SNX1: variants seen among roughly 807,000 people sequenced by gnomAD.
The protein encoded by SNX1 is sorting nexin 1, also known as sorting nexin-1.
SNX1 carries 36 observed loss-of-function variants against 71.8 expected under a neutral mutation model. The ratio of observed to expected loss-of-function variants is 0.50; its 90% CI spans 0.38 to 0.66. SNX1 has a LOEUF of 0.66. Ranked by LOEUF, SNX1 falls within the 30% of genes least tolerant of loss-of-function variation. The pLI is 0.00. For synonymous variants in SNX1, 254 were observed against 240.7 expected (o/e 1.06, Z -0.51); for missense variants, 612 against 646.7 (o/e 0.95, Z 0.58).
chr15:64,137,888 A>C lies in SNX1; in HGVS notation c.*270A>C, dbSNP rs1941782323. On this transcript the variant is annotated 3_prime_UTR_variant, in exon 15 of 15. Coordinates refer to ENST00000559844, the MANE Select transcript of SNX1 (RefSeq NM_003099.5). ...ATGGGATGGGGTGGAGTATTGATAT[A>C]AATATATAAATACAAATGTATATTT... 1 of 1,404,886 alleles carries C rather than the reference A, an allele frequency of 7.1e-7. No individual in the cohort carries two copies. Among genetic ancestry groups the C allele is most frequent in the South Asian group, 1.7e-5 (1 of 58,374 alleles). The allele number at this position is 1,404,886 out of a possible 1,614,324, so 87.0% of individuals were successfully genotyped here.
At chr15:64,118,289 A>G (rs762312682) in intron 3 of SNX1, 45 bp downstream of exon 3, 3 of 1,582,304 alleles carry the variant, frequency 1.9e-6, no homozygotes, top group East Asian at 2.2e-5. Flanking sequence ...GATATTGAGG[A>G]CTGTGTACGG....
intron 11 of SNX1, among the ~76,000 whole-genome samples, chr15:64,132,629 A>G (rs971014132): frequency 6.6e-6 from 1 of 152,188 alleles, no homozygotes; most frequent in African/African-American, 2.4e-5. Context: ...CCTGGCACCT[A>G]CACTCTAAGG....
intron 8 of SNX1, among the ~76,000 whole-genome samples, chr15:64,128,671 T>G (rs1440144212): frequency 6.6e-6 from 1 of 152,208 alleles, no homozygotes. Flanking sequence ...TTCAAATCTT[T>G]TAGTCTTTTC....
At chr15:64,127,635 A>T in intron 7 of SNX1, 96 bp from the exon 8 acceptor site, 3 of 852,210 alleles carry the variant, frequency 3.5e-6, no homozygotes, top group South Asian at 3.0e-5. Context: ...AAGTACAAAA[A>T]GTACAGAAGA....
intron 4 of SNX1, among the ~76,000 whole-genome samples, chr15:64,119,462 G>A (rs1354375380): frequency 6.6e-6 from 1 of 152,098 alleles, no homozygotes; most frequent in Non-Finnish European, 1.5e-5. Flanking sequence ...AGCCATGGTG[G>A]CTCACACCTG....
chr15:64,116,892 TC>T (rs1260794324), intron 2 of SNX1, among the ~76,000 whole-genome samples: 1 of 152,238 alleles, frequency 6.6e-6, no homozygotes, highest in African/African-American at 2.4e-5. Context: ...AACTGAGTAC[TC>T]CCCAGATAGA....
At chr15:64,115,563 CTTTT>C (rs5813279) in intron 2 of SNX1, 3,103 of 320,744 alleles carry the variant, frequency 9.7e-3, no homozygotes, top group Non-Finnish European at 0.011. Context: ...CTTCAAAAGG[CTTTT>C]TTTTTTTTTT....
intron 4 of SNX1, among the ~76,000 whole-genome samples, chr15:64,119,649 G>A (rs1040139640): frequency 5.3e-5 from 8 of 151,690 alleles, no homozygotes; most frequent in Non-Finnish European, 1.0e-4. Flanking sequence ...GCTTGAACCC[G>A]GGAGGTGGAG....
chr15:64,142,966 G>A lies in SNX1; in HGVS notation c.*5348G>A, dbSNP rs534135303. On this transcript the variant is annotated 3_prime_UTR_variant, in exon 15 of 15. Transcript: ENST00000559844. ...GGAACTCCTGGAAATCTCAGGATGG[G>A]GCCAAGATGTGGCTGGAGAGTGTGT... is the stretch of plus-strand genomic sequence containing the variant. The A allele has an allele frequency of 1.9e-4, 54 of 279,402 alleles. No homozygotes were observed. The highest frequency in any genetic ancestry group is 1.8e-3 in the South Asian group (54 of 30,632). The allele number at this position is 279,402 out of a possible 1,614,324, so 17.3% of individuals were successfully genotyped here. A position where few individuals can be genotyped will look rare whatever the true frequency, so the allele number is the denominator to read the frequency against.
At position 64,134,977 on chromosome 15, in the gene SNX1, C is replaced by T. The variant is rs754900314; in HGVS notation, c.1365+170C>T. 13 of 749,904 alleles carry T rather than the reference C, an allele frequency of 1.7e-5. No individual in the cohort carries two copies. Among genetic ancestry groups the T allele is most frequent in the Non-Finnish European group, 2.5e-5 (12 of 476,594 alleles). 46.5% of individuals were successfully genotyped at this position (749,904 alleles called of 1,614,324 possible). A position where few individuals can be genotyped will look rare whatever the true frequency, so the allele number is the denominator to read the frequency against. On this transcript the variant is annotated intron_variant, in intron 12 of 14. Coordinates refer to ENST00000559844, the MANE Select transcript of SNX1 (RefSeq NM_003099.5). This position sits in a 1 kb window ranked among gnomAD's most constrained non-coding sequence, Gnocchi z 4.1. ...AGAATGACTCCAGGCCTTCCTGAGG[C>T]CTAGTCCCCCTGTTCTTTTTCTACT...
At chr15:64,126,009 A>G (rs1000035848) in intron 5 of SNX1, 70 bp from the exon 6 acceptor site, 90 of 1,523,726 alleles carry the variant, frequency 5.9e-5, no homozygotes, top group South Asian at 2.1e-4. Flanking sequence ...TTTAATGTCA[A>G]TAGGATGACT....
rs1404042836 is a variant in SNX1 at position 64,143,974 on chromosome 15, A to G, written c.*6356A>G. 1 of 152,242 alleles carries G rather than the reference A, an allele frequency of 6.6e-6. No individual in the cohort carries two copies. The highest frequency in any genetic ancestry group is 2.4e-5 in the African/African-American group (1 of 41,464). The allele number at this position is 152,242 out of a possible 1,614,324, so 9.4% of individuals were successfully genotyped here. ...ATTTTACAGCCATTGAAGATGATAT[A>G]TAGCTATATTCATTGACAAGGAAAA... On this transcript the variant is annotated 3_prime_UTR_variant, in exon 15 of 15. Coordinates refer to ENST00000559844, the MANE Select transcript of SNX1 (RefSeq NM_003099.5).
intron 1 of SNX1, among the ~76,000 whole-genome samples, chr15:64,107,352 A>G (rs1271050293): frequency 6.6e-6 from 1 of 152,218 alleles, no homozygotes; most frequent in African/African-American, 2.4e-5. Flanking sequence ...GTTAAGCAAC[A>G]TGAGGAAGAA....
At position 64,126,781 on chromosome 15, in the gene SNX1, C is replaced by T. The variant is rs180808140; in HGVS notation, c.653-393C>T. On this transcript the variant is annotated intron_variant, in intron 6 of 14. Coordinates refer to ENST00000559844, the MANE Select transcript of SNX1 (RefSeq NM_003099.5). The stretch of plus-strand genomic sequence containing the variant: ...TTTTAGTAGAAACAGGGTTTTACCA[C>T]GTTGGCCAGGATGGTCTTGATCTCT... Among the ~76,000 whole-genome samples, 223 of 152,174 alleles carry T rather than the reference C, an allele frequency of 1.5e-3. 4 individuals are homozygous for T. Among genetic ancestry groups the T allele is most frequent in the Non-Finnish European group, 1.5e-3 (102 of 67,990 alleles).
Position 64,139,794 on chromosome 15 carries a change from G to C in SNX1, c.*2176G>C, listed in dbSNP as rs889162440. 1 of 152,126 alleles carries C rather than the reference G, an allele frequency of 6.6e-6. No homozygotes were observed. Among genetic ancestry groups the C allele is most frequent in the Non-Finnish European group, 1.5e-5 (1 of 68,046 alleles). The allele number at this position is 152,126 out of a possible 1,614,324, so 9.4% of individuals were successfully genotyped here. On this transcript the variant is annotated 3_prime_UTR_variant, in exon 15 of 15. Coordinates refer to ENST00000559844, the MANE Select transcript of SNX1 (RefSeq NM_003099.5). ...GATCATGTTACATTTGTAAACGTGT[G>C]TCTCTCAATACTGCAGATTCCTCAA... is the stretch of plus-strand genomic sequence containing the variant.
chr15:64,108,065 C>T (rs1223017619), intron 1 of SNX1, among the ~76,000 whole-genome samples: 1 of 151,770 alleles, frequency 6.6e-6, no homozygotes, highest in Non-Finnish European at 1.5e-5. Context: ...TAGTGGTGGG[C>T]GCCTGTAGTC....
chr15:64,103,313 C>T (rs2080983935), intron 1 of SNX1, among the ~76,000 whole-genome samples: 1 of 152,164 alleles, frequency 6.6e-6, no homozygotes, highest in South Asian at 2.1e-4. Flanking sequence ...ACTTCACATT[C>T]CCACCCACAG....
At chr15:64,106,726 A>G (rs1056396301) in intron 1 of SNX1, among the ~76,000 whole-genome samples, 5 of 152,202 alleles carry the variant, frequency 3.3e-5, no homozygotes, top group African/African-American at 1.2e-4. Flanking sequence ...AAGAGATGAA[A>G]TGTTACTGGC....
intron 2 of SNX1, among the ~76,000 whole-genome samples, chr15:64,116,225 G>A (rs145764124): frequency 9.8e-4 from 149 of 152,304 alleles, no homozygotes; most frequent in African/African-American, 3.4e-3. Context: ...TTCATTAAAT[G>A]GAAGTGGTTC....
Sources: allele counts gnomAD v4.1 joint callset (sites outside exome capture counted in the v4.1 genomes callset), GRCh38; gene constraint gnomAD v4.1.1; non-coding constraint Gnocchi (gnomAD v3.1); transcripts MANE v1.5; gene names NCBI Gene and HGNC (gene_info 2026-07-23, HGNC 2026-07-21).